Variants in SIRT1 observed in about 807,000 individuals in gnomAD.
The protein encoded by SIRT1 is NAD-dependent protein deacetylase sirtuin-1.
Under a neutral mutation model 67.9 loss-of-function variants are expected in SIRT1, and 24 were observed. The ratio of observed to expected loss-of-function variants is 0.35; its 90% CI spans 0.26 to 0.50. The LOEUF (loss-of-function observed/expected upper bound fraction) is 0.50. SIRT1 is among the 20% of genes least tolerant of loss of function. The pLI is 0.98. For missense variants in SIRT1, 873 were observed against 937.2 expected (o/e 0.93, Z 0.89); for synonymous variants, 378 against 350.7 (o/e 1.08, Z -0.87).
At chr10:67,892,629 T>G (rs979235368) in intron 4 of SIRT1, among the ~76,000 whole-genome samples, 2 of 151,940 alleles carry the variant, frequency 1.3e-5, no homozygotes, top group Non-Finnish European at 2.9e-5. Context: ...TGAGAAGTAG[T>G]CTTCCTTTGT....
chr10:67,885,937 GTTTCTTTTTTTTTTTTTTTTTTTT>G (rs1346075782), intron 1 of SIRT1, among the ~76,000 whole-genome samples: 2 of 130,084 alleles, frequency 1.5e-5, no homozygotes, highest in Admixed American at 7.8e-5. Flanking sequence ...GTTCTTGAAG[GTTTCTTTTTTTTTTTTTTTTTTTT>G]TTTGAGACGG....
At position 67,918,333 on chromosome 10, in the gene SIRT1, C is replaced by T. The variant is rs1181781862; in HGVS notation, c.*1740C>T. On this transcript the variant is annotated 3_prime_UTR_variant, in exon 9 of 9. Transcript: ENST00000212015. ...TGAAATACAAAACCAGTGTTTTTTA[C>T]TTGTACACTGTTTTAAAGTCTATTA... is the stretch of plus-strand genomic sequence containing the variant. 1.3e-5 allele frequency: 2 copies of T among 152,518 alleles called. No homozygotes were observed. The highest frequency in any genetic ancestry group is 2.9e-5 in the Non-Finnish European group (2 of 67,996). The allele number at this position is 152,518 out of a possible 1,614,324, so 9.4% of individuals were successfully genotyped here.
chr10:67,900,816 GT>G (rs1842734118), intron 4 of SIRT1, among the ~76,000 whole-genome samples: 1 of 152,030 alleles, frequency 6.6e-6, no homozygotes, highest in African/African-American at 2.4e-5. Context: ...TTACCTCTTT[GT>G]TTTTAGCCAT....
At chr10:67,885,222 G>A (rs984974067) in intron 1 of SIRT1, 71 bp downstream of exon 1, 2 of 1,265,202 alleles carry the variant, frequency 1.6e-6, no homozygotes, top group Non-Finnish European at 2.0e-6. Context: ...CTGGCCTGAG[G>A]TTGAGGGCGG....
chr10:67,891,152 C>T (rs1842566480), intron 3 of SIRT1, among the ~76,000 whole-genome samples: 1 of 151,856 alleles, frequency 6.6e-6, no homozygotes, highest in South Asian at 2.1e-4. Flanking sequence ...GCTTAAAAGG[C>T]TTAAAATTGG....
At chr10:67,901,236 G>T (rs117880377) in intron 4 of SIRT1, among the ~76,000 whole-genome samples, 8 of 151,896 alleles carry the variant, frequency 5.3e-5, no homozygotes, top group African/African-American at 1.9e-4. Context: ...GGCCTCAAGC[G>T]ATCCTCCCAC....
intron 8 of SIRT1, among the ~76,000 whole-genome samples, chr10:67,913,499 A>G (rs751348692): frequency 3.3e-5 from 5 of 152,200 alleles, no homozygotes; most frequent in Non-Finnish European, 5.9e-5. Flanking sequence ...CTTAACTACT[A>G]TGCGGTGTTG....
At chr10:67,885,697 A>T (rs1842467607) in intron 1 of SIRT1, among the ~76,000 whole-genome samples, 1 of 152,140 alleles carries the variant, frequency 6.6e-6, no homozygotes, top group Non-Finnish European at 1.5e-5. Flanking sequence ...CACAGCTTGC[A>T]AAATTTAAAG....
rs1454859055 is a variant in SIRT1, at chr10:67,889,093, C to T, written c.759C>T (p.Cys253=). The T allele has an allele frequency of 4.4e-6, 7 of 1,603,586 alleles. No individual in the cohort carries two copies. The highest frequency in any genetic ancestry group is 1.7e-5 in the Admixed American group (1 of 59,450). The change falls in exon 3 of 9, where the codon TGC becomes TGT. Residue 253 remains cysteine, a synonymous_variant. Transcript: ENST00000212015. The part of the protein sequence containing the change: ...IEDAVKLLQE[C]KKIIVLTGAG... ...ATGCTGTGAAATTACTGCAAGAGTG[C>T]AAAAAAATTATAGTTCTAACTGGAG... is the stretch of plus-strand genomic sequence containing the variant.
At chr10:67,897,024 T>C (rs1842668739) in intron 4 of SIRT1, among the ~76,000 whole-genome samples, 1 of 151,602 alleles carries the variant, frequency 6.6e-6, no homozygotes, top group African/African-American at 2.4e-5. Flanking sequence ...GACGTGGTGG[T>C]GCACACCTGT....
At chr10:67,885,230 C>T in intron 1 of SIRT1, 79 bp downstream of exon 1, 1 of 1,259,576 alleles carries the variant, frequency 7.9e-7, no homozygotes, top group Non-Finnish European at 1.0e-6. Context: ...AGGTTGAGGG[C>T]GGCTGGGGGC....
At chr10:67,916,095 C>T (rs1430777195) in intron 8 of SIRT1, among the ~76,000 whole-genome samples, 170 bp from the exon 9 acceptor site, 2 of 152,186 alleles carry the variant, frequency 1.3e-5, no homozygotes, top group Non-Finnish European at 2.9e-5. Flanking sequence ...TCCTGAGTAG[C>T]TGGGACTGCA....
At chr10:67,905,019 A>G (rs1589079758) in intron 4 of SIRT1, among the ~76,000 whole-genome samples, 1 of 152,318 alleles carries the variant, frequency 6.6e-6, no homozygotes, top group South Asian at 2.1e-4. Context: ...CAGTTAATTC[A>G]GGGACGGTGG....
Position 67,916,527 on chromosome 10 carries a change from A to C in SIRT1, c.2178A>C (p.Ala726=). 2 of 1,614,168 alleles carry C rather than the reference A, an allele frequency of 1.2e-6. No individual in the cohort carries two copies. Among genetic ancestry groups the C allele is most frequent in the South Asian group, 2.2e-5 (2 of 91,084 alleles). Residue 726 remains alanine, a synonymous_variant, in exon 9 of 9, where the codon GCA becomes GCC. Coordinates refer to ENST00000212015, the MANE Select transcript of SIRT1 (RefSeq NM_012238.5). ...GFGTDGDDQE[A]INEAISVKQE... ...GGACTGATGGAGATGATCAAGAGGC[A>C]ATTAATGAAGCTATATCTGTGAAAC...
At chr10:67,908,782 A>T (rs893666056) in intron 6 of SIRT1, among the ~76,000 whole-genome samples, 6 of 152,150 alleles carry the variant, frequency 3.9e-5, no homozygotes, top group Non-Finnish European at 7.4e-5. Flanking sequence ...TATGCCTTTA[A>T]TCTCAGCTGC....
At chr10:67,914,842 T>TA (rs2029873164) in intron 8 of SIRT1, among the ~76,000 whole-genome samples, 1 of 151,780 alleles carries the variant, frequency 6.6e-6, no homozygotes, top group African/African-American at 2.4e-5. Flanking sequence ...AGAGTAGCTG[T>TA]AGCTGAGACC....
chr10:67,885,123 G>A lies in SIRT1; in HGVS notation c.402G>A (p.Glu134=). The change falls in exon 1 of 9, where the codon GAG becomes GAA. Residue 134 remains glutamate, a synonymous_variant. Coordinates refer to ENST00000212015, the MANE Select transcript of SIRT1 (RefSeq NM_012238.5). ...ACGACGAGGGCGAGGAGGAGGAAGA[G>A]GCGGCGGCGGCGGCGATTGGGTACC... ...DDDDEGEEEE[E]AAAAAIGYRD... 7.0e-7 allele frequency: 1 copy of A among 1,426,214 alleles called. No homozygotes were observed. The highest frequency in any genetic ancestry group is 2.9e-5 in the Admixed American group (1 of 33,968). 88.3% of individuals were successfully genotyped at this position (1,426,214 alleles called of 1,614,324 possible). A position where few individuals can be genotyped will look rare whatever the true frequency, so the allele number is the denominator to read the frequency against.
chr10:67,912,871 T>C lies in SIRT1; in HGVS notation c.1755T>C (p.Ser585=), dbSNP rs770151030. 9 of 1,614,144 alleles carry C rather than the reference T, an allele frequency of 5.6e-6. No individual in the cohort carries two copies. In the East Asian group the frequency reaches 1.6e-4, roughly 28 times the overall value. ...MEEKPQEVQT[S]RNVESIAEQM... ...AAAAACCACAGGAAGTACAAACTTC[T>C]AGGAATGTTGAAAGTATTGCTGAAC... The change falls in exon 8 of 9, where the codon TCT becomes TCC. Residue 585 remains serine (S), a synonymous_variant. Transcript: ENST00000212015.
intron 3 of SIRT1, among the ~76,000 whole-genome samples, chr10:67,889,372 A>G (rs34624710): frequency 6.6e-6 from 1 of 152,186 alleles, no homozygotes; most frequent in African/African-American, 2.4e-5. Flanking sequence ...CAAGATTTCT[A>G]CCTACATTAT....
Sources: gnomAD v4.1 joint callset for allele counts (sites outside exome capture counted in the v4.1 genomes callset) on GRCh38, gnomAD v4.1.1 for gene constraint, MANE v1.5 for transcripts, NCBI Gene and HGNC (gene_info 2026-07-23, HGNC 2026-07-21) for gene names.